Variants in AGAP2 observed in about 807,000 individuals in gnomAD.
The protein encoded by AGAP2 is arf-GAP with GTPase, ANK repeat and PH domain-containing protein 2.
AGAP2 carries 32 observed loss-of-function variants against 110.9 expected under a neutral mutation model. The ratio of observed to expected loss-of-function variants is 0.29; its 90% confidence interval spans 0.22 to 0.39. The LOEUF (loss-of-function observed/expected upper bound fraction) is 0.39. AGAP2 is among the 10% of genes least tolerant of loss of function. The pLI, the probability that AGAP2 is intolerant of heterozygous loss-of-function variation, is 1.00. For synonymous variants in AGAP2, 702 were observed against 713.0 expected (o/e 0.98, Z 0.25); for missense variants, 1,285 against 1,638.5 (o/e 0.78, Z 3.72).
intron 4 of AGAP2, 29 bp from the exon 5 acceptor site, chr12:57,734,202 A>G (rs1272146160): frequency 1.2e-6 from 2 of 1,604,052 alleles, no homozygotes; most frequent in African/African-American, 2.7e-5. Flanking sequence ...GCAAATGGAA[A>G]GTCAGACAGG....
rs149497701 is a variant in AGAP2, at chr12:57,732,961, G to A, written c.1568C>T (p.Ser523Phe). The A allele has an allele frequency of 3.7e-6, 6 of 1,613,942 alleles. No individual in the cohort carries two copies. In the African/African-American group the frequency reaches 4.0e-5, roughly 11 times the overall value. ...VGTQDRISAS[S>F]PRVVGDARAR... is the part of the protein sequence containing the mutation. ...ACGAGCATCTCCCACCACCCGAGGG[G>A]AGGAAGCACTGATCCTGTCTGAGGG... Residue 523 changes from serine to phenylalanine, a missense_variant, in exon 6 of 19, where the codon TCC (serine) becomes TTC (phenylalanine). Around this residue, in one of 7 missense-constraint regions of AGAP2, gnomAD observed 844 missense variants for 941.2 expected, o/e 0.90. Transcript: ENST00000547588.
intron 16 of AGAP2, 41 bp downstream of exon 16, chr12:57,727,640 C>A: frequency 6.3e-7 from 1 of 1,591,072 alleles, no homozygotes; most frequent in Non-Finnish European, 8.5e-7. Context: ...CCCCGGCATT[C>A]ACTACACTCC....
At position 57,731,487 on chromosome 12, in the gene AGAP2, GAC is replaced by G. The variant is rs1954883355; in HGVS notation, c.2041-19_2041-18del. 3 of 1,613,924 alleles carry G rather than the reference GAC, an allele frequency of 1.9e-6. No individual in the cohort carries two copies. The highest frequency in any genetic ancestry group is 4.5e-5 in the East Asian group (2 of 44,890). ...TAGGAAGCTCTGGAGAAAGGGGAAAGACACATGTGGGAAAAAAGCCAACTAAG... is the reference window on the plus strand; with the variant it reads ...TAGGAAGCTCTGGAGAAAGGGGAAAGACATGTGGGAAAAAAGCCAACTAAG... On this transcript the variant is annotated intron_variant, in intron 9 of 18. Transcript: ENST00000547588.
chr12:57,730,603 G>A lies in AGAP2; in HGVS notation c.2320C>T (p.Pro774Ser), dbSNP rs1425982720. 2 of 1,613,254 alleles carry A rather than the reference G, an allele frequency of 1.2e-6. No homozygotes were observed. The highest frequency in any genetic ancestry group is 2.7e-5 in the African/African-American group (2 of 74,874). Reference protein sequence around the residue: ...QMGEGLEATTPMPSPSPSPSS... With the variant: ...QMGEGLEATTSMPSPSPSPSS... ...GGGCTGGGGCTAGGGCTTGGCATGG[G>A]AGTAGTGGCTTCTGTCGGAAGAAGA... Residue 774 changes from proline to serine, a missense_variant, in exon 12 of 19, where the codon CCC (proline) becomes TCC (serine). Transcript: ENST00000547588.
chr12:57,731,758 G>A, intron 8 of AGAP2, 51 bp downstream of exon 8: 1 of 1,564,232 alleles, frequency 6.4e-7, no homozygotes, highest in South Asian at 1.2e-5. Context: ...GGGAAGATGG[G>A]CAGGTCATGG....
At chr12:57,733,002 G>C (rs1006045196) in intron 5 of AGAP2, 23 bp from the exon 6 acceptor site, 66 of 1,613,438 alleles carry the variant, frequency 4.1e-5, no homozygotes, top group Non-Finnish European at 5.5e-5. Context: ...GAAAGGGGCA[G>C]GATTGAACAA....
chr12:57,738,291 G>T lies in AGAP2; in HGVS notation c.-45C>A. Reference sequence around the variant, plus strand: ...GCTGGGGAGGGGAGGGGACTCCCCCGGACTGCCTCAGGGGGGCCCGGCCAT... The same window carrying T: ...GCTGGGGAGGGGAGGGGACTCCCCCTGACTGCCTCAGGGGGGCCCGGCCAT... On this transcript the variant is annotated 5_prime_UTR_variant, in exon 1 of 19. Transcript: ENST00000547588. The surrounding 1 kb of genome is among the most constrained non-coding windows in gnomAD (Gnocchi z 6.7). 2 of 1,449,832 alleles carry T rather than the reference G, an allele frequency of 1.4e-6. No individual in the cohort carries two copies. The highest frequency in any genetic ancestry group is 1.5e-5 in the African/African-American group (1 of 66,938). 89.8% of individuals were successfully genotyped at this position (1,449,832 alleles called of 1,614,324 possible).
Position 57,734,110 on chromosome 12 carries a change from C to A in AGAP2, c.1465G>T (p.Ala489Ser), listed in dbSNP as rs745327601. Reference sequence around the variant, plus strand: ...AGCTGCCCATGGAGACGGCTCACAGCCTGGAAACTGTTCTCATCCTCCAGG... The same window carrying A: ...AGCTGCCCATGGAGACGGCTCACAGACTGGAAACTGTTCTCATCCTCCAGG... ...FSLEDENSFQAVSRLHGQLSS... is the reference protein window; with the variant it reads ...FSLEDENSFQSVSRLHGQLSS... The change falls in exon 5 of 19, where the codon GCT becomes TCT. Residue 489 changes from alanine to serine, a missense_variant. Physicochemically the swap from Ala to Ser is moderately conservative, Grantham distance 99. Coordinates refer to ENST00000547588, the MANE Select transcript of AGAP2 (RefSeq NM_001122772.3). The A allele has an allele frequency of 6.9e-5, 111 of 1,613,740 alleles. No homozygotes were observed. The highest frequency in any genetic ancestry group is 8.7e-5 in the Non-Finnish European group (103 of 1,179,846).
At chr12:57,740,841 A>G (rs1955068828), upstream of AGAP2, among the ~76,000 whole-genome samples, 1 of 152,208 alleles carries the variant, frequency 6.6e-6, no homozygotes, top group South Asian at 2.1e-4. Context: ...CTAGGCATCC[A>G]AAGCAAGCTG....
chr12:57,730,544 G>C lies in AGAP2; in HGVS notation c.2379C>G (p.Ser793=). 2 of 1,614,224 alleles carry C rather than the reference G, an allele frequency of 1.2e-6. No individual in the cohort carries two copies. The highest frequency in any genetic ancestry group is 1.7e-6 in the Non-Finnish European group (2 of 1,180,042). The change falls in exon 12 of 19, where the codon TCC becomes TCG. Residue 793 remains serine (S), a synonymous_variant. Coordinates refer to ENST00000547588, the MANE Select transcript of AGAP2 (RefSeq NM_001122772.3). ...SSLQPPPDQT[S]KHLLKPDRNL... ...TCCGGTCTGGCTTCAGCAGGTGTTT[G>C]GATGTCTGATCTGGTGGTGGCTGCA...
intron 4 of AGAP2, 32 bp downstream of exon 4, chr12:57,734,287 G>C: frequency 6.2e-7 from 1 of 1,613,730 alleles, no homozygotes. Flanking sequence ...GCTGACCCCA[G>C]CCAGCCTGTC....
At chr12:57,727,607 C>A in intron 16 of AGAP2, 25 bp from the exon 17 acceptor site, 1 of 1,593,694 alleles carries the variant, frequency 6.3e-7, no homozygotes, top group African/African-American at 1.3e-5. Flanking sequence ...TAGAGGTCGG[C>A]TCCCAGCCGG....
At chr12:57,731,020 C>T (rs238523) in intron 10 of AGAP2, 67 bp from the exon 11 acceptor site, 1,429,297 of 1,436,430 alleles carry the variant, frequency 1, 711,346 homozygotes, top group East Asian at 1. Flanking sequence ...AAGCAGTCAA[C>T]ATGGTACAGA....
chr12:57,742,016 T>C (rs745647984), upstream of AGAP2: 9 of 1,614,172 alleles, frequency 5.6e-6, no homozygotes, highest in Admixed American at 1.5e-4. Flanking sequence ...GGCCACCTCA[T>C]GTCGTCTGAC....
chr12:57,734,461 C>T, intron 3 of AGAP2, 57 bp from the exon 4 acceptor site: 3 of 1,596,794 alleles, frequency 1.9e-6, no homozygotes, highest in Non-Finnish European at 1.7e-6. Flanking sequence ...ACCAAACCTC[C>T]CCATGCTCCC....
At chr12:57,729,542 T>C in intron 13 of AGAP2, 97 bp downstream of exon 13, 1 of 1,522,478 alleles carries the variant, frequency 6.6e-7, no homozygotes, top group Non-Finnish European at 8.8e-7. Flanking sequence ...AGCACTCAGC[T>C]CAGGCACTTT....
chr12:57,740,191 C>T (rs1003459909), upstream of AGAP2, among the ~76,000 whole-genome samples: 3 of 148,472 alleles, frequency 2.0e-5, no homozygotes, highest in Non-Finnish European at 4.5e-5. Flanking sequence ...GAGCCCGCAG[C>T]GTGCTTGGCC....
Position 57,726,430 on chromosome 12 carries a change from G to A in AGAP2, c.*122C>T. ...GGGGGCTGTGCCCTCGTGGGGGTAG[G>A]AAGTGCTCCCGTGGGGCGGGGTGCG... On this transcript the variant is annotated 3_prime_UTR_variant, in exon 19 of 19. Coordinates refer to ENST00000547588, the MANE Select transcript of AGAP2 (RefSeq NM_001122772.3). This position sits in a 1 kb window ranked among gnomAD's most constrained non-coding sequence, Gnocchi z 5.7. 1.0e-6 allele frequency: 1 copy of A among 1,004,678 alleles called. No individual in the cohort carries two copies. Among genetic ancestry groups the A allele is most frequent in the Non-Finnish European group, 1.2e-6 (1 of 809,442 alleles). 62.2% of individuals were successfully genotyped at this position (1,004,678 alleles called of 1,614,324 possible).
chr12:57,741,829 G>C, upstream of AGAP2: 1 of 1,489,860 alleles, frequency 6.7e-7, no homozygotes, highest in Non-Finnish European at 9.2e-7. Context: ...AGCTGACTGG[G>C]AATTGATATA....
Sources: allele counts gnomAD v4.1 joint callset (sites outside exome capture counted in the v4.1 genomes callset), GRCh38; gene constraint gnomAD v4.1.1; regional missense constraint gnomAD v4.1.1; non-coding constraint Gnocchi (gnomAD v3.1); transcripts MANE v1.5; gene names NCBI Gene and HGNC (gene_info 2026-07-23, HGNC 2026-07-21).